Variants in NIPA1 observed in about 807,000 individuals in gnomAD.
NIPA1 encodes the protein NIPA magnesium transporter 1, also known as magnesium transporter NIPA1.
NIPA1 carries 13 observed loss-of-function variants against 23.9 expected under a neutral mutation model. The ratio of observed to expected loss-of-function variants is 0.54; its 90% CI spans 0.35 to 0.87. The LOEUF (loss-of-function observed/expected upper bound fraction) is 0.87, where lower values mean the gene tolerates loss of function less well. Among genes scored for constraint, NIPA1 ranks in the 40% least tolerant of loss-of-function variants. The probability of loss-of-function intolerance (pLI) is 0.01; values close to 1 mark genes in which losing one functional copy is unlikely to be tolerated. For missense variants in NIPA1, 362 were observed against 429.7 expected (o/e 0.84, Z 1.39); for synonymous variants, 234 against 202.9 (o/e 1.15, Z -1.30).
At chr15:22,823,665 C>T (rs1484689023) in intron 4 of NIPA1, 63 bp from the exon 5 acceptor site, 18 of 1,526,960 alleles carry the variant, frequency 1.2e-5, no homozygotes, top group Admixed American at 1.9e-5. Context: ...TGCCCCAGTC[C>T]ACCTCCTGGG....
intron 1 of NIPA1, among the ~76,000 whole-genome samples, chr15:22,796,841 T>C (rs991352720): frequency 3.9e-5 from 6 of 152,106 alleles, no homozygotes; most frequent in African/African-American, 9.7e-5. Flanking sequence ...GCCGGGGCTC[T>C]TTACTGTGAT....
At chr15:22,812,080 A>G in intron 2 of NIPA1, 83 bp from the exon 3 acceptor site, 1 of 1,043,650 alleles carries the variant, frequency 9.6e-7, no homozygotes. Context: ...CTTTCAGGGC[A>G]GAGCCTAGCG....
intron 3 of NIPA1, chr15:22,813,757 G>C: frequency 2.2e-6 from 1 of 449,144 alleles, no homozygotes; most frequent in Admixed American, 2.4e-5. Context: ...GCGACGCCTT[G>C]AGAATGTGTG....
At chr15:22,812,435 T>G (rs1895336465) in intron 3 of NIPA1, among the ~76,000 whole-genome samples, 182 bp downstream of exon 3, 1 of 152,152 alleles carries the variant, frequency 6.6e-6, no homozygotes, top group African/African-American at 2.4e-5. Context: ...GTGAATTATT[T>G]GAGGTCACGA....
chr15:22,797,690 T>A (rs1033561006), intron 1 of NIPA1, among the ~76,000 whole-genome samples: 1 of 150,960 alleles, frequency 6.6e-6, no homozygotes, highest in Non-Finnish European at 1.5e-5. Context: ...TTTAGTAGAG[T>A]TGAGTTTTCA....
At chr15:22,787,303 C>G (rs1403117282) in intron 1 of NIPA1, among the ~76,000 whole-genome samples, 1 of 152,164 alleles carries the variant, frequency 6.6e-6, no homozygotes, top group Non-Finnish European at 1.5e-5. Flanking sequence ...GCGGCCCGCT[C>G]CTAGGGTACG....
intron 1 of NIPA1, among the ~76,000 whole-genome samples, chr15:22,787,615 CGGACGGGACCGGTTTGCCAATGCA>C (rs1350989019): frequency 6.6e-6 from 1 of 152,142 alleles, no homozygotes; most frequent in Non-Finnish European, 1.5e-5. Flanking sequence ...TGGGAGGCCC[CGGACGGGACCGGTTTGCCAATGCA>C]GGATATGGCA....
intron 3 of NIPA1, among the ~76,000 whole-genome samples, chr15:22,813,291 TTTTA>T (rs1184854483): frequency 2.0e-5 from 3 of 152,088 alleles, no homozygotes; most frequent in African/African-American, 7.2e-5. Context: ...TTTAATTTCA[TTTTA>T]TTTATTTTTT....
At chr15:22,786,620 C>T (rs1894704993), upstream of NIPA1, 3 of 868,184 alleles carry the variant, frequency 3.5e-6, no homozygotes, top group Non-Finnish European at 4.2e-6. Context: ...CGGGGCGCGG[C>T]GCGCAGGCGC....
chr15:22,792,164 G>A (rs1894842365), intron 1 of NIPA1, among the ~76,000 whole-genome samples: 1 of 152,174 alleles, frequency 6.6e-6, no homozygotes, highest in African/African-American at 2.4e-5. Flanking sequence ...TTTGTGGAAA[G>A]CCCATGGCAA....
chr15:22,796,278 C>A (rs568559432), intron 1 of NIPA1, among the ~76,000 whole-genome samples: 3 of 152,016 alleles, frequency 2.0e-5, no homozygotes, highest in Non-Finnish European at 4.4e-5. Flanking sequence ...AGGCTGTACT[C>A]TGATGCTGGG....
chr15:22,792,918 C>T (rs537408885), intron 1 of NIPA1, among the ~76,000 whole-genome samples: 16 of 152,072 alleles, frequency 1.1e-4, no homozygotes, highest in Admixed American at 5.9e-4. Flanking sequence ...TGCGCCATTG[C>T]GCTCCAGCCT....
rs56218881 is a variant in NIPA1, at chr15:22,817,808, GAA to G, written c.318-2492_318-2491del. Among the ~76,000 whole-genome samples the G allele has an allele frequency of 2.9e-3, 411 of 143,066 alleles. 3 individuals are homozygous for G. Among genetic ancestry groups the G allele is most frequent in the African/African-American group, 8.6e-3 (322 of 37,556 alleles). The allele number at this position is 143,066 out of a possible 152,430, so 93.9% of individuals were successfully genotyped here. A position where few individuals can be genotyped will look rare whatever the true frequency, so the allele number is the denominator to read the frequency against. On this transcript the variant is annotated intron_variant, in intron 3 of 4. Coordinates refer to ENST00000337435, the MANE Select transcript of NIPA1 (RefSeq NM_144599.5). The stretch of plus-strand genomic sequence containing the variant: ...TGACAGAGCGAGACTGTGTCTCAAA[GAA>G]AAAAAAAAAAAATTGCATCTATATA...
At chr15:22,800,557 CTGAGG>C (rs969025172) in intron 1 of NIPA1, among the ~76,000 whole-genome samples, 3 of 151,950 alleles carry the variant, frequency 2.0e-5, no homozygotes, top group Non-Finnish European at 4.4e-5. Context: ...TTTTGGGAGG[CTGAGG>C]TGAGCGGATC....
chr15:22,787,330 C>G (rs1894730057), intron 1 of NIPA1, among the ~76,000 whole-genome samples: 1 of 152,214 alleles, frequency 6.6e-6, no homozygotes, highest in South Asian at 2.1e-4. Context: ...AGAGCAAGAC[C>G]TGGGATTTCC....
chr15:22,798,069 G>A (rs1344002680), intron 1 of NIPA1, among the ~76,000 whole-genome samples: 1 of 149,202 alleles, frequency 6.7e-6, no homozygotes, highest in Non-Finnish European at 1.5e-5. Flanking sequence ...GGATGGTCTT[G>A]ATCTCCTTAC....
chr15:22,790,952 C>T (rs1894812159), intron 1 of NIPA1, among the ~76,000 whole-genome samples: 1 of 152,040 alleles, frequency 6.6e-6, no homozygotes, highest in South Asian at 2.1e-4. Flanking sequence ...AAAGTTGTGT[C>T]TTACTGAAAT....
chr15:22,808,980 T>A (rs1288159977), intron 1 of NIPA1, among the ~76,000 whole-genome samples: 1 of 152,130 alleles, frequency 6.6e-6, no homozygotes, highest in Non-Finnish European at 1.5e-5. Context: ...CCCATTTCAT[T>A]TTGTAAGTAC....
intron 2 of NIPA1, among the ~76,000 whole-genome samples, chr15:22,811,199 A>G (rs1895308246): frequency 6.6e-6 from 1 of 152,240 alleles, no homozygotes; most frequent in Admixed American, 6.5e-5. Flanking sequence ...TTGGTTTAAC[A>G]GAGAATTTCA....
Sources: allele counts gnomAD v4.1 joint callset (sites outside exome capture counted in the v4.1 genomes callset), GRCh38; gene constraint gnomAD v4.1.1; transcripts MANE v1.5; gene names NCBI Gene and HGNC (gene_info 2026-07-23, HGNC 2026-07-21).